DLG2: variants seen among roughly 807,000 people sequenced by gnomAD.
DLG2 encodes discs large MAGUK scaffold protein 2, also known as disks large homolog 2.
Under a neutral mutation model 132.5 loss-of-function variants are expected in DLG2, and 45 were observed. The ratio of observed to expected loss-of-function variants is 0.34; its 90% CI spans 0.27 to 0.44. DLG2 has a LOEUF of 0.44. Ranked by LOEUF, DLG2 falls within the 20% of genes least tolerant of loss-of-function variation. The pLI, the probability that DLG2 is intolerant of heterozygous loss-of-function variation, is 1.00. For synonymous variants in DLG2, 424 were observed against 419.6 expected (o/e 1.01, Z -0.13); for missense variants, 1,045 against 1,196.9 (o/e 0.87, Z 1.87).
At chr11:84,952,089 C>CT (rs2050999412) in intron 6 of DLG2, among the ~76,000 whole-genome samples, 2 of 152,266 alleles carry the variant, frequency 1.3e-5, no homozygotes, top group East Asian at 3.9e-4. Flanking sequence ...CAATTAAATG[C>CT]TTTTTCTTAT....
chr11:83,980,459 CA>C, intron 12 of DLG2, 46 bp downstream of exon 12: 3 of 1,576,752 alleles, frequency 1.9e-6, no homozygotes, highest in Non-Finnish European at 2.6e-6. Context: ...CACTGGAAAA[CA>C]AGAGCTTTAT....
At chr11:84,009,307 C>T (rs7109404) in intron 11 of DLG2, among the ~76,000 whole-genome samples, 152 of 151,984 alleles carry the variant, frequency 1.0e-3, no homozygotes, top group East Asian at 5.4e-3. Context: ...ACACCACCTT[C>T]GATCGCACAA....
chr11:83,745,218 C>T (rs1244386390), intron 18 of DLG2, among the ~76,000 whole-genome samples: 2 of 152,132 alleles, frequency 1.3e-5, no homozygotes, highest in Non-Finnish European at 2.9e-5. Context: ...TGGCCAAATG[C>T]TGTGAAAACA....
chr11:85,463,859 G>A (rs192724826), intron 3 of DLG2, among the ~76,000 whole-genome samples: 22 of 151,934 alleles, frequency 1.4e-4, no homozygotes, highest in African/African-American at 5.1e-4. Context: ...TGACAAAGGA[G>A]AGCATTTAGA....
chr11:85,316,428 C>T (rs1411533556), intron 3 of DLG2, among the ~76,000 whole-genome samples: 2 of 151,872 alleles, frequency 1.3e-5, no homozygotes, highest in Admixed American at 6.6e-5. Context: ...TATCTCCTAC[C>T]AAGTGGGAGC....
intron 3 of DLG2, among the ~76,000 whole-genome samples, chr11:85,347,018 A>G: frequency 6.6e-6 from 1 of 152,140 alleles, no homozygotes; most frequent in Non-Finnish European, 1.5e-5. Context: ...AGGAAAATGC[A>G]ACCACACATA....
Position 83,949,738 on chromosome 11 carries a change from T to C in DLG2, c.1340+13147A>G, listed in dbSNP as rs79517821. On this transcript the variant is annotated intron_variant, in intron 14 of 27. Transcript: ENST00000376104. ...ACTTTGTATCTTTTGACTAATATCT[T>C]CGTGTTTCCCCCTTGACATGTGCCT... 3.2e-3 allele frequency among the ~76,000 whole-genome samples: 484 copies of C among 152,298 alleles called. 3 individuals carry two copies. The highest frequency in any genetic ancestry group is 0.011 in the African/African-American group (460 of 41,560).
chr11:85,605,027 T>C lies in DLG2; in HGVS notation c.-92-6239A>G, dbSNP rs892874045. Reference sequence around the variant, plus strand: ...TAGGAAAACTCAGATCAAAGTATAATAGAGAAAAGGTGAATTTAACAGGCA... The same window carrying C: ...TAGGAAAACTCAGATCAAAGTATAACAGAGAAAAGGTGAATTTAACAGGCA... On this transcript the variant is annotated intron_variant, in intron 2 of 27. Coordinates refer to ENST00000376104, the MANE Select transcript of DLG2 (RefSeq NM_001142699.3). 3.9e-5 allele frequency among the ~76,000 whole-genome samples: 6 copies of C among 152,128 alleles called. No homozygotes were observed. In the East Asian group the frequency reaches 5.8e-4, roughly 15 times the overall value.
At position 85,324,931 on chromosome 11, in the gene DLG2, G is replaced by T. The variant is rs565955904; in HGVS notation, c.41-39566C>A. On this transcript the variant is annotated intron_variant, in intron 3 of 27. Coordinates refer to ENST00000376104, the MANE Select transcript of DLG2 (RefSeq NM_001142699.3). ...TGTGTGTGCGCACCGTGCGCGAGCC[G>T]AAGCAGGGCGAGGCATTGCCTCACC... is the stretch of plus-strand genomic sequence containing the variant. Among the ~76,000 whole-genome samples the T allele has an allele frequency of 2.7e-5, 4 of 147,792 alleles. No individual in the cohort carries two copies. The East Asian group carries it at 7.9e-4, about 29-fold the overall frequency.
At chr11:83,526,384 C>G (rs2095610973) in intron 21 of DLG2, among the ~76,000 whole-genome samples, 1 of 152,178 alleles carries the variant, frequency 6.6e-6, no homozygotes, top group Non-Finnish European at 1.5e-5. Context: ...CTTCCCACAG[C>G]TGCCAGACTG....
intron 2 of DLG2, among the ~76,000 whole-genome samples, chr11:85,603,137 T>G (rs1375304989): frequency 6.6e-6 from 1 of 152,252 alleles, no homozygotes; most frequent in Non-Finnish European, 1.5e-5. Flanking sequence ...AAATGTGTGC[T>G]AATATATTTG....
intron 6 of DLG2, among the ~76,000 whole-genome samples, chr11:85,081,229 A>C (rs2067187821): frequency 6.6e-6 from 1 of 152,206 alleles, no homozygotes; most frequent in African/African-American, 2.4e-5. Context: ...CAATTGAGTT[A>C]ATCAGACATG....
At chr11:84,097,086 G>T (rs921843988) in intron 10 of DLG2, among the ~76,000 whole-genome samples, 1 of 152,050 alleles carries the variant, frequency 6.6e-6, no homozygotes, top group African/African-American at 2.4e-5. Context: ...CTTACATTTC[G>T]CTCCTTAAGT....
At chr11:84,882,718 T>C (rs2154055478) in intron 6 of DLG2, among the ~76,000 whole-genome samples, 1 of 152,212 alleles carries the variant, frequency 6.6e-6, no homozygotes, top group Non-Finnish European at 1.5e-5. Context: ...GGGAGATGGG[T>C]ACATTCTGTG....
intron 4 of DLG2, among the ~76,000 whole-genome samples, chr11:85,274,136 A>G (rs1404768829): frequency 2.0e-5 from 3 of 152,154 alleles, no homozygotes; most frequent in Admixed American, 2.0e-4. Flanking sequence ...GATAGCATTA[A>G]GAGATATACC....
At chr11:84,546,699 G>C in intron 6 of DLG2, 2 of 517,242 alleles carry the variant, frequency 3.9e-6, no homozygotes, top group South Asian at 1.6e-5. Flanking sequence ...ATTGGTGTTT[G>C]GATATCTCAT....
intron 7 of DLG2, among the ~76,000 whole-genome samples, chr11:84,337,654 T>C (rs530869574): frequency 6.6e-6 from 1 of 152,332 alleles, no homozygotes; most frequent in African/African-American, 2.4e-5. Flanking sequence ...ATTTGGTACC[T>C]CTGACTAGGT....
At chr11:85,489,867 T>C (rs1234664054) in intron 3 of DLG2, among the ~76,000 whole-genome samples, 1 of 126,490 alleles carries the variant, frequency 7.9e-6, no homozygotes, top group East Asian at 2.2e-4. Context: ...TTTTCAACTT[T>C]TCTTTGAAAG....
chr11:83,555,499 G>A (rs543153614), intron 19 of DLG2, among the ~76,000 whole-genome samples: 1 of 152,294 alleles, frequency 6.6e-6, no homozygotes, highest in East Asian at 1.9e-4. Flanking sequence ...GTGGCAATAG[G>A]ATGGACAGAG....
Sources: gnomAD v4.1 joint callset for allele counts (sites outside exome capture counted in the v4.1 genomes callset) on GRCh38, gnomAD v4.1.1 for gene constraint, MANE v1.5 for transcripts, NCBI Gene and HGNC (gene_info 2026-07-23, HGNC 2026-07-21) for gene names.